The following MRPS31 variants were observed in gnomAD, a reference collection of about 807,000 sequenced individuals.
MRPS31 encodes mitochondrial ribosomal protein S31.
Under a neutral mutation model 43.1 loss-of-function variants are expected in MRPS31, and 32 were observed. The observed-to-expected ratio is 0.74, with a 90% CI of 0.56 to 1.00. The LOEUF (loss-of-function observed/expected upper bound fraction) is 1.00. Among genes scored for constraint, MRPS31 ranks in the 50% least tolerant of loss-of-function variants. The pLI, the probability that MRPS31 is intolerant of heterozygous loss-of-function variation, is 0.00. For synonymous variants in MRPS31, 165 were observed against 161.6 expected, an observed-to-expected ratio of 1.02 and a Z score of -0.16; for missense variants, 437 against 466.7, an observed-to-expected ratio of 0.94 and a Z score of 0.59.
At chr13:40,735,063 T>C (rs565750548) in intron 6 of MRPS31, among the ~76,000 whole-genome samples, 47 of 152,068 alleles carry the variant, frequency 3.1e-4, no homozygotes, top group Non-Finnish European at 6.0e-4. Context: ...TGGGCGCAGG[T>C]CAGTGGGTGC....
At chr13:40,754,718 T>C (rs1445860477) in intron 4 of MRPS31, among the ~76,000 whole-genome samples, 1 of 152,224 alleles carries the variant, frequency 6.6e-6, no homozygotes, top group Non-Finnish European at 1.5e-5. Flanking sequence ...TACTGGCAGA[T>C]TAAAATCCAG....
intron 6 of MRPS31, among the ~76,000 whole-genome samples, chr13:40,744,244 C>T (rs779387509): frequency 1.3e-5 from 2 of 152,168 alleles, no homozygotes; most frequent in Non-Finnish European, 2.9e-5. Flanking sequence ...AACCACCTAT[C>T]AGGTATTACG....
At chr13:40,729,985 C>T (rs764324344) in intron 6 of MRPS31, among the ~76,000 whole-genome samples, 1 of 151,824 alleles carries the variant, frequency 6.6e-6, no homozygotes, top group East Asian at 2.0e-4. Context: ...CCGCCTCGGC[C>T]TCCCAAAGTG....
rs1477619440 is a variant in MRPS31 at position 40,759,862 on chromosome 13, A to C, written c.441-756T>G. The stretch of plus-strand genomic sequence containing the variant: ...CAACCTAAAAGTCTATCATCAGAAC[A>C]GAAAAACAAATTGTGATATATCCAT... On this transcript the variant is annotated intron_variant, in intron 2 of 6. Coordinates refer to ENST00000323563, the MANE Select transcript of MRPS31 (RefSeq NM_005830.4). Among the ~76,000 whole-genome samples the C allele has an allele frequency of 2.0e-5, 3 of 152,260 alleles. No individual in the cohort carries two copies. In the East Asian group the frequency reaches 5.8e-4, roughly 29 times the overall value.
intron 6 of MRPS31, among the ~76,000 whole-genome samples, chr13:40,735,371 C>G (rs1879862086): frequency 6.6e-6 from 1 of 152,200 alleles, no homozygotes; most frequent in South Asian, 2.1e-4. Flanking sequence ...CCCACCATTG[C>G]CCAGGCTTGC....
At chr13:40,735,809 G>A (rs1292609100) in intron 6 of MRPS31, among the ~76,000 whole-genome samples, 1 of 150,394 alleles carries the variant, frequency 6.6e-6, no homozygotes, top group Non-Finnish European at 1.5e-5. Flanking sequence ...ACCAAAAGGA[G>A]ATAAAACCAC....
rs188071979 is a variant in MRPS31 at position 40,754,452 on chromosome 13, C to T, written c.741-360G>A. On this transcript the variant is annotated intron_variant, in intron 4 of 6. Coordinates refer to ENST00000323563, the MANE Select transcript of MRPS31 (RefSeq NM_005830.4). ...CCAAAATAGAAGCTGTTAAACTCAA[C>T]ATTTGTCTTTAAGGGCAGAAAACAC... is the stretch of plus-strand genomic sequence containing the variant. 4.1e-3 allele frequency among the ~76,000 whole-genome samples: 626 copies of T among 152,276 alleles called. 3 individuals are homozygous for T. The highest frequency in any genetic ancestry group is 0.01 in the Middle Eastern group (3 of 294).
chr13:40,754,124 T>C (rs1880466708), intron 4 of MRPS31, 32 bp from the exon 5 acceptor site: 2 of 1,218,048 alleles, frequency 1.6e-6, no homozygotes, highest in African/African-American at 3.1e-5. Context: ...AACATTTTAA[T>C]GAATATATTT....
In MRPS31 at chr13:40,766,865, T is replaced by C. The variant is rs1487763948; in HGVS notation, c.321A>G (p.Lys107=). ...GTACATTTACTGTGCTTAATTCAAC[T>C]TTCATGCCCTTAATAATGCCTAACA... The part of the protein sequence containing the change: ...KDLLGIIKGM[K]VELSTVNVRT... Residue 107 remains lysine (K), a synonymous_variant, in exon 2 of 7, where the codon AAA becomes AAG. Transcript: ENST00000323563. 2 of 1,614,052 alleles carry C rather than the reference T, an allele frequency of 1.2e-6. No individual in the cohort carries two copies. The highest frequency in any genetic ancestry group is 1.7e-6 in the Non-Finnish European group (2 of 1,180,032).
At chr13:40,734,877 C>T (rs544885073) in intron 6 of MRPS31, among the ~76,000 whole-genome samples, 61 of 152,238 alleles carry the variant, frequency 4.0e-4, no homozygotes, top group Non-Finnish European at 7.6e-4. Flanking sequence ...GTCTGGGTGA[C>T]GGAGTGAGAC....
chr13:40,747,567 T>C (rs959969073), intron 6 of MRPS31, among the ~76,000 whole-genome samples: 13 of 152,294 alleles, frequency 8.5e-5, no homozygotes, highest in Middle Eastern at 3.4e-3. Flanking sequence ...CAGTATGCTA[T>C]ATTATTGCAG....
In MRPS31 at chr13:40,757,440, C is replaced by CTT. The variant is rs11291870; in HGVS notation, c.600-429_600-428dup. 3.6e-3 allele frequency among the ~76,000 whole-genome samples: 347 copies of CTT among 96,884 alleles called. 3 individuals are homozygous for CTT. Among genetic ancestry groups the CTT allele is most frequent in the South Asian group, 0.01 (23 of 2,300 alleles). The allele number at this position is 96,884 out of a possible 152,430, so 63.6% of individuals were successfully genotyped here. ...TGACAGTCCAGATATCTATGTCTTC[C>CTT]TTTTTTTTTTTTTTTTTTTTTTGAG... is the stretch of plus-strand genomic sequence containing the variant. On this transcript the variant is annotated intron_variant, in intron 3 of 6. Coordinates refer to ENST00000323563, the MANE Select transcript of MRPS31 (RefSeq NM_005830.4).
chr13:40,761,940 G>T (rs1457264200), intron 2 of MRPS31, among the ~76,000 whole-genome samples: 1 of 150,032 alleles, frequency 6.7e-6, no homozygotes, highest in Non-Finnish European at 1.5e-5. Flanking sequence ...AAAAAAGAAA[G>T]AAAGAAAGAA....
At chr13:40,765,546 AT>A in intron 2 of MRPS31, among the ~76,000 whole-genome samples, 1 of 151,994 alleles carries the variant, frequency 6.6e-6, no homozygotes, top group East Asian at 2.0e-4. Flanking sequence ...ATATACTTAT[AT>A]ATAACCATTT....
In MRPS31 at chr13:40,741,461, A is replaced by G. The variant is rs1880088878; in HGVS notation, c.958+7677T>C. On this transcript the variant is annotated intron_variant, in intron 6 of 6. Transcript: ENST00000323563. ...ATGTAAAAACCTAAGTCACAGAGGA[A>G]GTACAAATAGCCAATAAACATATGA... Among the ~76,000 whole-genome samples the G allele has an allele frequency of 2.0e-5, 3 of 152,216 alleles. No individual in the cohort carries two copies. The South Asian group carries it at 6.2e-4, about 32-fold the overall frequency.
In MRPS31 at chr13:40,769,921, C is replaced by A. The variant is rs147315102; in HGVS notation, c.152+1064G>T. Among the ~76,000 whole-genome samples the A allele has an allele frequency of 3.8e-3, 581 of 152,336 alleles. 3 individuals carry two copies. The highest frequency in any genetic ancestry group is 0.012 in the African/African-American group (498 of 41,566). On this transcript the variant is annotated intron_variant, in intron 1 of 6. Coordinates refer to ENST00000323563, the MANE Select transcript of MRPS31 (RefSeq NM_005830.4). ...GCTCATCAGTACTTCAAATGCAACACCTTCAACACCACATTCAAGACTCCT... is the reference window on the plus strand; with the variant it reads ...GCTCATCAGTACTTCAAATGCAACAACTTCAACACCACATTCAAGACTCCT...
intron 6 of MRPS31, among the ~76,000 whole-genome samples, chr13:40,737,987 A>C (rs1353961944): frequency 6.6e-6 from 1 of 151,986 alleles, no homozygotes; most frequent in Non-Finnish European, 1.5e-5. Flanking sequence ...CAAAAAATTA[A>C]TGAATCCAGG....
chr13:40,740,438 ATATACCCAAAGGAC>A (rs1354720189), intron 6 of MRPS31, among the ~76,000 whole-genome samples: 1 of 132,460 alleles, frequency 7.5e-6, no homozygotes, highest in Admixed American at 7.6e-5. Context: ...ATTACTGGGT[ATATACCCAAAGGAC>A]TATACATCAT....
At chr13:40,733,212 C>T (rs1355501564) in intron 6 of MRPS31, among the ~76,000 whole-genome samples, 6 of 151,968 alleles carry the variant, frequency 3.9e-5, no homozygotes, top group Admixed American at 3.3e-4. Context: ...CCATGTTGGC[C>T]AGGCTGGTCT....
Sources: allele counts gnomAD v4.1 joint callset (sites outside exome capture counted in the v4.1 genomes callset), GRCh38; gene constraint gnomAD v4.1.1; transcripts MANE v1.5; gene names NCBI Gene and HGNC (gene_info 2026-07-23, HGNC 2026-07-21).